Variants in TMEM204 observed in about 807,000 individuals in gnomAD.
TMEM204 encodes claudin-like protein 24.
TMEM204 carries 15 observed loss-of-function variants against 19.4 expected under a neutral mutation model. The observed-to-expected ratio is 0.77, with a 90% CI of 0.52 to 1.19. The LOEUF (loss-of-function observed/expected upper bound fraction) is 1.19, where lower values mean the gene tolerates loss of function less well. TMEM204 is among the 50% of genes most tolerant of loss of function. TMEM204 has a pLI of 0.00. For missense variants in TMEM204, 287 were observed against 321.2 expected, an observed-to-expected ratio of 0.89 and a Z score of 0.81; for synonymous variants, 161 against 146.0, an observed-to-expected ratio of 1.10 and a Z score of -0.74.
chr16:1,547,593 G>A (rs2032279428), intron 2 of TMEM204, among the ~76,000 whole-genome samples: 1 of 152,166 alleles, frequency 6.6e-6, no homozygotes, highest in Non-Finnish European at 1.5e-5. Flanking sequence ...CTGGAGTGCA[G>A]TGGTGCAATC....
intron 2 of TMEM204, 22 bp downstream of exon 2, chr16:1,542,098 G>A: frequency 6.4e-7 from 1 of 1,570,490 alleles, no homozygotes; most frequent in Non-Finnish European, 8.6e-7. Flanking sequence ...GGCGGGTGTG[G>A]CCACCGCGCC....
At chr16:1,544,939 C>T (rs895131821) in intron 2 of TMEM204, among the ~76,000 whole-genome samples, 2 of 152,216 alleles carry the variant, frequency 1.3e-5, no homozygotes, top group Non-Finnish European at 2.9e-5. Context: ...TGAGCCACGG[C>T]ACCCGGCCCA....
chr16:1,553,079 G>A lies in TMEM204; in HGVS notation c.437-1703G>A. 1 of 985,458 alleles carries A rather than the reference G, an allele frequency of 1.0e-6. No individual in the cohort carries two copies. The highest frequency in any genetic ancestry group is 1.2e-6 in the Non-Finnish European group (1 of 829,942). 61.0% of individuals were successfully genotyped at this position (985,458 alleles called of 1,614,324 possible). Reference sequence around the variant, plus strand: ...CATTGTTCAGGACAAAATGGAGATAGATAAATGCTTAATTCATACTTTCTG... The same window carrying A: ...CATTGTTCAGGACAAAATGGAGATAAATAAATGCTTAATTCATACTTTCTG... On this transcript the variant is annotated intron_variant, in intron 2 of 2. Transcript: ENST00000566264. This position sits in a 1 kb window ranked among gnomAD's most constrained non-coding sequence, Gnocchi z 4.4.
chr16:1,551,319 C>T lies in TMEM204; in HGVS notation c.437-3463C>T, dbSNP rs552456990. Among the ~76,000 whole-genome samples, 3 of 151,912 alleles carry T rather than the reference C, an allele frequency of 2.0e-5. No homozygotes were observed. The highest frequency in any genetic ancestry group is 6.6e-5 in the Admixed American group (1 of 15,258). Reference sequence around the variant, plus strand: ...GCAGGTGCAACTCTAAGCCGAGGCCCGAAGGATCAGCAGCAGGAGGGGCCC... The same window carrying T: ...GCAGGTGCAACTCTAAGCCGAGGCCTGAAGGATCAGCAGCAGGAGGGGCCC... On this transcript the variant is annotated intron_variant, in intron 2 of 2. Coordinates refer to ENST00000566264, the MANE Select transcript of TMEM204 (RefSeq NM_024600.6). The surrounding 1 kb of genome is among the most constrained non-coding windows in gnomAD (Gnocchi z 4.0).
At chr16:1,535,766 G>A (rs1436314036) in intron 1 of TMEM204, among the ~76,000 whole-genome samples, 3 of 152,256 alleles carry the variant, frequency 2.0e-5, no homozygotes, top group African/African-American at 7.2e-5. Flanking sequence ...CGGCTGCACC[G>A]CACAGCCTGG....
chr16:1,528,858 A>C (rs539065428), upstream of TMEM204: 4 of 152,254 alleles, frequency 2.6e-5, no homozygotes, highest in Admixed American at 2.6e-4. Flanking sequence ...TGCCCCTGTG[A>C]GAAGGAGGGG....
chr16:1,534,151 G>A lies in TMEM204; in HGVS notation c.-125G>A, dbSNP rs2030804474. 1.6e-6 allele frequency: 2 copies of A among 1,279,704 alleles called. No homozygotes were observed. Among genetic ancestry groups the A allele is most frequent in the Non-Finnish European group, 1.1e-6 (1 of 949,994 alleles). 79.3% of individuals were successfully genotyped at this position (1,279,704 alleles called of 1,614,324 possible). A position where few individuals can be genotyped will look rare whatever the true frequency, so the allele number is the denominator to read the frequency against. ...TGGACCATCCCATGGGCCTCCGCCC[G>A]CGCCGCCCCGAGGATGAGTGGTGAT... On this transcript the variant is annotated 5_prime_UTR_variant, in exon 1 of 3. Coordinates refer to ENST00000566264, the MANE Select transcript of TMEM204 (RefSeq NM_024600.6).
intron 1 of TMEM204, 38 bp from the exon 2 acceptor site, chr16:1,541,883 C>T: frequency 3.9e-6 from 6 of 1,550,242 alleles, no homozygotes; most frequent in Non-Finnish European, 5.2e-6. Context: ...CTGGAGCCCA[C>T]CTGCACTCAC....
At chr16:1,539,354 G>T (rs547753036) in intron 1 of TMEM204, among the ~76,000 whole-genome samples, 22 of 152,246 alleles carry the variant, frequency 1.4e-4, no homozygotes, top group African/African-American at 4.6e-4. Flanking sequence ...GCCGCCCCAC[G>T]CCTTAGGCCT....
chr16:1,535,862 C>T (rs2031014053), intron 1 of TMEM204, among the ~76,000 whole-genome samples: 1 of 152,284 alleles, frequency 6.6e-6, no homozygotes, highest in Non-Finnish European at 1.5e-5. Context: ...AACTTCAAAG[C>T]TTCCACCGGC....
Position 1,553,915 on chromosome 16 carries a change from G to C in TMEM204, c.437-867G>C. On this transcript the variant is annotated intron_variant, in intron 2 of 2. Coordinates refer to ENST00000566264, the MANE Select transcript of TMEM204 (RefSeq NM_024600.6). This position sits in a 1 kb window ranked among gnomAD's most constrained non-coding sequence, Gnocchi z 4.4. The stretch of plus-strand genomic sequence containing the variant: ...TTTTCCTGTTGTAAGAACTAAAAAG[G>C]TCTTTGGAGCTCCTCAAAGATAAAA... 7.8e-7 allele frequency: 1 copy of C among 1,281,966 alleles called. No homozygotes were observed. The allele number at this position is 1,281,966 out of a possible 1,614,324, so 79.4% of individuals were successfully genotyped here. A position where few individuals can be genotyped will look rare whatever the true frequency, so the allele number is the denominator to read the frequency against.
At position 1,534,492 on chromosome 16, in the gene TMEM204, TG is replaced by T; in HGVS notation, c.218del (p.Cys73LeufsTer26). Reference sequence around the variant, plus strand: ...AGCCGGCCAGGTGGACGCACATGACTGTGAGGCGCTGGGCTGGGGCTCCGAG... The same window carrying T: ...AGCCGGCCAGGTGGACGCACATGACTTGAGGCGCTGGGCTGGGGCTCCGAG... ...ARAGQVDAHDCEALGWGSEAA... is the reference protein window; with the variant it reads ...ARAGQVDAHDXEALGWGSEAA... On this transcript the variant is annotated frameshift_variant, in exon 1 of 3. Coordinates refer to ENST00000566264, the MANE Select transcript of TMEM204 (RefSeq NM_024600.6). LOFTEE classifies it high-confidence loss of function. 6.2e-7 allele frequency: 1 copy of T among 1,609,680 alleles called. No homozygotes were observed. Among genetic ancestry groups the T allele is most frequent in the Non-Finnish European group, 8.5e-7 (1 of 1,179,836 alleles).
chr16:1,553,013 A>C lies in TMEM204; in HGVS notation c.437-1769A>C, dbSNP rs560249734. On this transcript the variant is annotated intron_variant, in intron 2 of 2. Transcript: ENST00000566264. This position sits in a 1 kb window ranked among gnomAD's most constrained non-coding sequence, Gnocchi z 4.4. ...GAGCTACCCATGTATAAGAAGCTCCATGAAGTATTATAAAGAATGAACACA... is the reference window on the plus strand; with the variant it reads ...GAGCTACCCATGTATAAGAAGCTCCCTGAAGTATTATAAAGAATGAACACA... The C allele has an allele frequency of 1.6e-4, 158 of 985,438 alleles. 1 individual carries two copies. In the South Asian group the frequency reaches 6.6e-3, roughly 41 times the overall value. 61.0% of individuals were successfully genotyped at this position (985,438 alleles called of 1,614,324 possible).
intron 1 of TMEM204, chr16:1,541,190 A>G: frequency 1.0e-6 from 1 of 985,438 alleles, no homozygotes; most frequent in Non-Finnish European, 1.2e-6. Flanking sequence ...AAGGCTGGGC[A>G]CAGGCCTGCT....
rs2281235 is a variant in TMEM204 at position 1,553,534 on chromosome 16, T to C, written c.437-1248T>C. ...CCTGGGGAGGGACATGGACAAGTCC[T>C]CTATGGACAAGAGGGGCTGGAGAGT... On this transcript the variant is annotated intron_variant, in intron 2 of 2. Coordinates refer to ENST00000566264, the MANE Select transcript of TMEM204 (RefSeq NM_024600.6). The surrounding 1 kb of genome is among the most constrained non-coding windows in gnomAD (Gnocchi z 4.4). 332,295 of 996,090 alleles carry C rather than the reference T, an allele frequency of 0.33. 59,441 individuals carry two copies. Among genetic ancestry groups the C allele is most frequent in the African/African-American group, 0.64 (36,809 of 57,500 alleles). The allele number at this position is 996,090 out of a possible 1,614,324, so 61.7% of individuals were successfully genotyped here. A position where few individuals can be genotyped will look rare whatever the true frequency, so the allele number is the denominator to read the frequency against.
chr16:1,530,138 T>C (rs572501592), upstream of TMEM204, among the ~76,000 whole-genome samples: 1,272 of 137,004 alleles, frequency 9.3e-3, 11 homozygotes, highest in Middle Eastern at 0.021. Flanking sequence ...GGAATCTTTT[T>C]TTTTTTTTTT....
chr16:1,529,835 C>A (rs1009665749), upstream of TMEM204, among the ~76,000 whole-genome samples: 3 of 152,222 alleles, frequency 2.0e-5, no homozygotes, highest in African/African-American at 7.2e-5. Flanking sequence ...TCCAGGGCTC[C>A]CCAGAACGCT....
rs368847022 is a variant in TMEM204 at position 1,534,468 on chromosome 16, G to A, written c.193G>A (p.Ala65Thr). ...GGGAGGGCCGAGCCCTGGGGCCAGA[G>A]CCGGCCAGGTGGACGCACATGACTG... ...TRGGPSPGAR[A>T]GQVDAHDCEA... The change falls in exon 1 of 3, where the codon GCC (alanine) becomes ACC (threonine). Residue 65 changes from alanine to threonine, a missense_variant. Ala to Thr is a moderately conservative substitution (Grantham distance 58, BLOSUM62 0). Coordinates refer to ENST00000566264, the MANE Select transcript of TMEM204 (RefSeq NM_024600.6). 5.6e-6 allele frequency: 9 copies of A among 1,611,098 alleles called. No individual in the cohort carries two copies. Among genetic ancestry groups the A allele is most frequent in the Non-Finnish European group, 2.5e-6 (3 of 1,179,838 alleles).
chr16:1,537,937 C>T (rs78140717), intron 1 of TMEM204, among the ~76,000 whole-genome samples: 9,812 of 152,308 alleles, frequency 0.064, 551 homozygotes, highest in Admixed American at 0.18. Context: ...ACAGAGCTCC[C>T]GGGCTTCACC....
Sources: allele counts gnomAD v4.1 joint callset (sites outside exome capture counted in the v4.1 genomes callset), GRCh38; gene constraint gnomAD v4.1.1; non-coding constraint Gnocchi (gnomAD v3.1); transcripts MANE v1.5; gene names NCBI Gene and HGNC (gene_info 2026-07-23, HGNC 2026-07-21).